Variants in UHRF2 observed in about 807,000 individuals in gnomAD.
UHRF2 encodes E3 ubiquitin-protein ligase UHRF2.
Under a neutral mutation model 96.8 loss-of-function variants are expected in UHRF2, and 23 were observed. The ratio of observed to expected loss-of-function variants is 0.24; its 90% CI spans 0.17 to 0.34. UHRF2 has a LOEUF of 0.34. Ranked by LOEUF, UHRF2 falls within the 10% of genes least tolerant of loss-of-function variation. UHRF2 has a pLI of 1.00. For missense variants in UHRF2, 685 were observed against 981.5 expected (o/e 0.70, Z 4.04); for synonymous variants, 385 against 332.6 (o/e 1.16, Z -1.72).
intron 3 of UHRF2, among the ~76,000 whole-genome samples, chr9:6,440,398 G>T (rs188749620): frequency 3.9e-4 from 60 of 152,214 alleles, no homozygotes; most frequent in Non-Finnish European, 7.4e-4. Flanking sequence ...TTAGCCAAGG[G>T]TCACATCTAT....
chr9:6,416,993 T>A (rs144543405), intron 1 of UHRF2, among the ~76,000 whole-genome samples: 1 of 152,236 alleles, frequency 6.6e-6, no homozygotes, highest in African/African-American at 2.4e-5. Context: ...ACACAGAATA[T>A]AAAAGTACTT....
chr9:6,419,961 C>G (rs1355313572), intron 1 of UHRF2, among the ~76,000 whole-genome samples: 1 of 151,896 alleles, frequency 6.6e-6, no homozygotes, highest in Non-Finnish European at 1.5e-5. Context: ...GTTACCCATA[C>G]TGGTCTGGAG....
chr9:6,422,809 T>C, intron 2 of UHRF2: 1 of 398,586 alleles, frequency 2.5e-6, no homozygotes. Flanking sequence ...GTTCTTTCTT[T>C]ACATATTTAA....
chr9:6,423,052 C>G, intron 2 of UHRF2: 1 of 167,274 alleles, frequency 6.0e-6, no homozygotes, highest in Non-Finnish European at 1.3e-5. Flanking sequence ...GATAAATGGG[C>G]ACCTATACTG....
rs1816614417 is a variant in UHRF2, at chr9:6,506,930, G to C, written c.*751G>C. 1 of 152,578 alleles carries C rather than the reference G, an allele frequency of 6.6e-6. No individual in the cohort carries two copies. The highest frequency in any genetic ancestry group is 1.9e-4 in the East Asian group (1 of 5,192). The allele number at this position is 152,578 out of a possible 1,614,324, so 9.5% of individuals were successfully genotyped here. The stretch of plus-strand genomic sequence containing the variant: ...GTGTCTCACCAGTGGTTTTACATCT[G>C]CAGAGTTTTGAGGGCTGTGCTGACC... On this transcript the variant is annotated 3_prime_UTR_variant, in exon 16 of 16. Coordinates refer to ENST00000276893, the MANE Select transcript of UHRF2 (RefSeq NM_152896.3).
chr9:6,419,065 G>A (rs1242845697), intron 1 of UHRF2, among the ~76,000 whole-genome samples: 1 of 152,088 alleles, frequency 6.6e-6, no homozygotes, highest in East Asian at 1.9e-4. Context: ...TATTGGATTA[G>A]GGCCCTAATG....
At chr9:6,449,718 A>G (rs768256928) in intron 3 of UHRF2, among the ~76,000 whole-genome samples, 3 of 152,170 alleles carry the variant, frequency 2.0e-5, no homozygotes, top group Non-Finnish European at 2.9e-5. Flanking sequence ...GTTTTTGCAA[A>G]CAGTATGGTT....
chr9:6,493,023 C>T (rs936601079), intron 9 of UHRF2, among the ~76,000 whole-genome samples: 13 of 152,006 alleles, frequency 8.6e-5, no homozygotes, highest in African/African-American at 3.1e-4. Context: ...AAAGCCAGGG[C>T]GCAGTGGGTC....
chr9:6,500,212 C>G (rs1816213043), intron 13 of UHRF2, among the ~76,000 whole-genome samples: 1 of 152,152 alleles, frequency 6.6e-6, no homozygotes, highest in Admixed American at 6.5e-5. Context: ...AAGGGATCCT[C>G]CTGCCTCAGC....
At position 6,456,249 on chromosome 9, in the gene UHRF2, C is replaced by G. The variant is rs184404855; in HGVS notation, c.645-4324C>G. 6.1e-4 allele frequency among the ~76,000 whole-genome samples: 93 copies of G among 152,216 alleles called. No homozygotes were observed. In the East Asian group the frequency reaches 0.017, roughly 28 times the overall value. On this transcript the variant is annotated intron_variant, in intron 3 of 15. Transcript: ENST00000276893. ...CATTCTAACTGGCGTGATATGGTAT[C>G]TCAGTGTGGTTTTGATGTGCGTTTC...
chr9:6,447,248 G>C (rs1398975160), intron 3 of UHRF2, among the ~76,000 whole-genome samples: 1 of 152,126 alleles, frequency 6.6e-6, no homozygotes, highest in Non-Finnish European at 1.5e-5. Context: ...TAGATGTCAG[G>C]CGGTCATACT....
chr9:6,465,400 G>T (rs759570523), intron 4 of UHRF2, among the ~76,000 whole-genome samples: 2 of 152,064 alleles, frequency 1.3e-5, no homozygotes, highest in Admixed American at 6.5e-5. Context: ...TGAATGTTTG[G>T]TAGAACTTCT....
Position 6,413,430 on chromosome 9 carries a change from G to T in UHRF2, c.-61G>T, listed in dbSNP as rs1819404885. 5.3e-6 allele frequency: 7 copies of T among 1,316,800 alleles called. No homozygotes were observed. In the East Asian group the frequency reaches 1.2e-4, roughly 22 times the overall value. 81.6% of individuals were successfully genotyped at this position (1,316,800 alleles called of 1,614,324 possible). ...CAGGGAAAGCGGCGCGGGCCGGGCG[G>T]GGCGCGGCGCCCAGAGCTCAGGGGG... On this transcript the variant is annotated 5_prime_UTR_variant, in exon 1 of 16. Coordinates refer to ENST00000276893, the MANE Select transcript of UHRF2 (RefSeq NM_152896.3).
At chr9:6,466,533 C>G (rs1587835058) in intron 4 of UHRF2, among the ~76,000 whole-genome samples, 1 of 104,948 alleles carries the variant, frequency 9.5e-6, no homozygotes, top group Admixed American at 1.4e-4. Context: ...GAGTGAGACT[C>G]TATCTCAAAA....
At chr9:6,478,243 T>C (rs1823706945) in intron 6 of UHRF2, among the ~76,000 whole-genome samples, 1 of 152,268 alleles carries the variant, frequency 6.6e-6, no homozygotes, top group Admixed American at 6.5e-5. Flanking sequence ...CTTTTTCAGG[T>C]TGTCACACTT....
At chr9:6,488,318 G>C (rs892860953) in intron 9 of UHRF2, among the ~76,000 whole-genome samples, 1 of 125,208 alleles carries the variant, frequency 8.0e-6, no homozygotes, top group African/African-American at 2.9e-5. Flanking sequence ...TGCGGGAAGG[G>C]GATCCTGTGC....
intron 3 of UHRF2, among the ~76,000 whole-genome samples, chr9:6,452,528 G>C (rs545038739): frequency 6.6e-6 from 1 of 152,326 alleles, no homozygotes; most frequent in Non-Finnish European, 1.5e-5. Flanking sequence ...GATATGGATT[G>C]AAAGGTGTGA....
intron 3 of UHRF2, among the ~76,000 whole-genome samples, chr9:6,447,412 A>G (rs535291408): frequency 6.6e-6 from 1 of 152,288 alleles, no homozygotes; most frequent in Non-Finnish European, 1.5e-5. Context: ...TTGCTGTTTT[A>G]TAGTATGATG....
chr9:6,488,967 C>T (rs1824490213), intron 9 of UHRF2, among the ~76,000 whole-genome samples: 1 of 151,848 alleles, frequency 6.6e-6, no homozygotes, highest in East Asian at 1.9e-4. Flanking sequence ...CATGCATCGC[C>T]ATTGACTAAT....
Sources: allele counts gnomAD v4.1 joint callset (sites outside exome capture counted in the v4.1 genomes callset), GRCh38; gene constraint gnomAD v4.1.1; transcripts MANE v1.5; gene names NCBI Gene and HGNC (gene_info 2026-07-23, HGNC 2026-07-21).